Variants in UNC119B observed in about 807,000 individuals in gnomAD.
UNC119B encodes the protein protein unc-119 homolog B.
A neutral mutation model predicts 23.4 loss-of-function variants in UNC119B; 16 were observed. The ratio of observed to expected loss-of-function variants is 0.68; its 90% CI spans 0.46 to 1.04. The LOEUF is 1.04. UNC119B is among the 50% of genes least tolerant of loss of function. UNC119B has a pLI of 0.00. For synonymous variants in UNC119B, 144 were observed against 145.4 expected (o/e 0.99, Z 0.07); for missense variants, 350 against 361.3 (o/e 0.97, Z 0.25).
intron 1 of UNC119B, 136 bp downstream of exon 1, chr12:120,710,854 C>T (rs1025400176): frequency 5.8e-6 from 5 of 869,360 alleles, no homozygotes; most frequent in Admixed American, 4.6e-5. Flanking sequence ...TTCCCGCTGC[C>T]CCGCCGGCCG....
intron 4 of UNC119B, among the ~76,000 whole-genome samples, chr12:120,718,215 T>G (rs1000500753): frequency 1.3e-5 from 2 of 152,140 alleles, no homozygotes; most frequent in African/African-American, 4.8e-5. Flanking sequence ...ATGCCTCCTG[T>G]GGGAAGACAG....
rs897437297 is a variant in UNC119B, at chr12:120,722,065, G to C, written c.*2033G>C. Reference sequence around the variant, plus strand: ...GGATGTGGTTCTGGAGCTGCCCAGAGCTGTGCTTAGTAGAGTGTGTCTTGG... The same window carrying C: ...GGATGTGGTTCTGGAGCTGCCCAGACCTGTGCTTAGTAGAGTGTGTCTTGG... On this transcript the variant is annotated 3_prime_UTR_variant, in exon 5 of 5. Coordinates refer to ENST00000344651, the MANE Select transcript of UNC119B (RefSeq NM_001080533.3). The C allele has an allele frequency of 2.6e-5, 4 of 152,442 alleles. No homozygotes were observed. The highest frequency in any genetic ancestry group is 7.2e-5 in the African/African-American group (3 of 41,590). 9.4% of individuals were successfully genotyped at this position (152,442 alleles called of 1,614,324 possible). A position where few individuals can be genotyped will look rare whatever the true frequency, so the allele number is the denominator to read the frequency against.
chr12:120,712,974 A>G (rs929260909), intron 1 of UNC119B, among the ~76,000 whole-genome samples: 3 of 152,346 alleles, frequency 2.0e-5, no homozygotes, highest in African/African-American at 4.8e-5. Context: ...CTGACATCCA[A>G]CTTGATAGAT....
chr12:120,718,659 G>A (rs1435251919), intron 4 of UNC119B, among the ~76,000 whole-genome samples: 1 of 152,196 alleles, frequency 6.6e-6, no homozygotes, highest in African/African-American at 2.4e-5. Context: ...CTTTGGCCTA[G>A]CCACCTCAGG....
At chr12:120,713,495 C>A (rs1882711788) in intron 2 of UNC119B, 108 bp downstream of exon 2, 1 of 816,994 alleles carries the variant, frequency 1.2e-6, no homozygotes, top group Non-Finnish European at 2.0e-6. Flanking sequence ...CAGTGTGTCC[C>A]ACTTCTGTGA....
At chr12:120,718,129 A>AAGTGCTGGAATT in intron 4 of UNC119B, among the ~76,000 whole-genome samples, 1 of 152,130 alleles carries the variant, frequency 6.6e-6, no homozygotes, top group South Asian at 2.1e-4. Context: ...CGGCCTCCCA[A>AAGTGCTGGAATT]AGTGCTGGAA....
In UNC119B at chr12:120,716,943, T is replaced by G; in HGVS notation, c.544T>G (p.Leu182Val). Residue 182 changes from leucine (L) to valine (V), a missense_variant, in exon 4 of 5, where the codon TTG becomes GTG. Transcript: ENST00000344651. Reference protein sequence around the residue: ...MIERHYFREHLLKNFDFDFGF... With the variant: ...MIERHYFREHVLKNFDFDFGF... ...CGAACGGCACTATTTCCGGGAACAC[T>G]TGCTGAAAAACTTTGACTTTGATTT... 1 of 1,613,974 alleles carries G rather than the reference T, an allele frequency of 6.2e-7. No homozygotes were observed. The highest frequency in any genetic ancestry group is 1.1e-5 in the South Asian group (1 of 91,052).
At chr12:120,719,432 A>G (rs76555581) in intron 4 of UNC119B, among the ~76,000 whole-genome samples, 4,022 of 152,260 alleles carry the variant, frequency 0.026, 90 homozygotes, top group South Asian at 0.065. Flanking sequence ...CCTTGCACTC[A>G]TTCCAATCTA....
At position 120,720,883 on chromosome 12, in the gene UNC119B, A is replaced by C. The variant is rs1882883643; in HGVS notation, c.*851A>C. On this transcript the variant is annotated 3_prime_UTR_variant, in exon 5 of 5. Coordinates refer to ENST00000344651, the MANE Select transcript of UNC119B (RefSeq NM_001080533.3). ...TTTTATTTCCAGACTTCTTTCGGGGAGGTTTTATAAAATGACAGTGGTGTT... is the reference window on the plus strand; with the variant it reads ...TTTTATTTCCAGACTTCTTTCGGGGCGGTTTTATAAAATGACAGTGGTGTT... The C allele has an allele frequency of 6.6e-6, 1 of 152,038 alleles. No homozygotes were observed. Among genetic ancestry groups the C allele is most frequent in the African/African-American group, 2.4e-5 (1 of 41,354 alleles). 9.4% of individuals were successfully genotyped at this position (152,038 alleles called of 1,614,324 possible). A position where few individuals can be genotyped will look rare whatever the true frequency, so the allele number is the denominator to read the frequency against.
rs1882791594 is a variant in UNC119B, at chr12:120,716,897, T to C, written c.498T>C (p.Pro166=). The C allele has an allele frequency of 6.2e-7, 1 of 1,612,420 alleles. No homozygotes were observed. Among genetic ancestry groups the C allele is most frequent in the Non-Finnish European group, 8.5e-7 (1 of 1,178,946 alleles). ...ATVEFTVGDK[P]VSNFRMIERH... The stretch of plus-strand genomic sequence containing the variant: ...TGGAGTTCACAGTGGGAGACAAACC[T>C]GTTTCAAACTTCCGGATGATCGAAC... The change falls in exon 4 of 5, where the codon CCT becomes CCC. Residue 166 remains proline, a synonymous_variant. Coordinates refer to ENST00000344651, the MANE Select transcript of UNC119B (RefSeq NM_001080533.3).
chr12:120,720,175 C>A lies in UNC119B; in HGVS notation c.*143C>A. 1.6e-6 allele frequency: 1 copy of A among 631,600 alleles called. No individual in the cohort carries two copies. 39.1% of individuals were successfully genotyped at this position (631,600 alleles called of 1,614,324 possible). A position where few individuals can be genotyped will look rare whatever the true frequency, so the allele number is the denominator to read the frequency against. On this transcript the variant is annotated 3_prime_UTR_variant, in exon 5 of 5. Transcript: ENST00000344651. ...GGCTGGGGTGGCAGTTTCCTGCGCG[C>A]CAAAGGAGCTGCCAAACAGTGCTGT...
Position 120,722,910 on chromosome 12 carries a change from TCA to T in UNC119B, c.*2879_*2880del, listed in dbSNP as rs1361430830. The T allele has an allele frequency of 1.3e-5, 2 of 152,424 alleles. No homozygotes were observed. Among genetic ancestry groups the T allele is most frequent in the Non-Finnish European group, 2.9e-5 (2 of 68,190 alleles). The allele number at this position is 152,424 out of a possible 1,614,324, so 9.4% of individuals were successfully genotyped here. A position where few individuals can be genotyped will look rare whatever the true frequency, so the allele number is the denominator to read the frequency against. ...CAAGCATGTGCTTCCTGAAGACACC[TCA>T]GTCTTTGGGCCATTTGATTTCCAAT... On this transcript the variant is annotated 3_prime_UTR_variant, in exon 5 of 5. Coordinates refer to ENST00000344651, the MANE Select transcript of UNC119B (RefSeq NM_001080533.3).
In UNC119B at chr12:120,723,036, G is replaced by T. The variant is rs1882945833; in HGVS notation, c.*3004G>T. 1 of 152,462 alleles carries T rather than the reference G, an allele frequency of 6.6e-6. No homozygotes were observed. The highest frequency in any genetic ancestry group is 2.4e-5 in the African/African-American group (1 of 41,454). The allele number at this position is 152,462 out of a possible 1,614,324, so 9.4% of individuals were successfully genotyped here. ...TCTTCAGTTTATTTTTTCAGTTGAA[G>T]TGGAACTCATTTCTGGAATGGATTT... On this transcript the variant is annotated 3_prime_UTR_variant, in exon 5 of 5. Transcript: ENST00000344651.
At chr12:120,716,561 C>T (rs1882783651) in intron 2 of UNC119B, 67 bp from the exon 3 acceptor site, 2 of 1,543,958 alleles carry the variant, frequency 1.3e-6, no homozygotes, top group Non-Finnish European at 1.8e-6. Context: ...GCTGTTGGGA[C>T]TGGTGATAGA....
Position 120,720,041 on chromosome 12 carries a change from A to G in UNC119B, c.*9A>G, listed in dbSNP as rs769596633. ...ATAATGGAGGCCAGTAAGTGCTGCA[A>G]GAGTAGATAGGGGAGGTGCTTTGCC... On this transcript the variant is annotated 3_prime_UTR_variant, in exon 5 of 5. Transcript: ENST00000344651. 1.9e-6 allele frequency: 3 copies of G among 1,596,922 alleles called. No individual in the cohort carries two copies. The highest frequency in any genetic ancestry group is 1.3e-5 in the African/African-American group (1 of 74,664).
At position 120,722,348 on chromosome 12, in the gene UNC119B, C is replaced by G. The variant is rs898550718; in HGVS notation, c.*2316C>G. 6 of 152,400 alleles carry G rather than the reference C, an allele frequency of 3.9e-5. No homozygotes were observed. Among genetic ancestry groups the G allele is most frequent in the Non-Finnish European group, 7.3e-5 (5 of 68,184 alleles). The allele number at this position is 152,400 out of a possible 1,614,324, so 9.4% of individuals were successfully genotyped here. A position where few individuals can be genotyped will look rare whatever the true frequency, so the allele number is the denominator to read the frequency against. Reference sequence around the variant, plus strand: ...GTTCTGTATCTGGGGCTGTGGGTTCCTGTGTCTAGCTGCTCAGGAAATCTT... The same window carrying G: ...GTTCTGTATCTGGGGCTGTGGGTTCGTGTGTCTAGCTGCTCAGGAAATCTT... On this transcript the variant is annotated 3_prime_UTR_variant, in exon 5 of 5. Coordinates refer to ENST00000344651, the MANE Select transcript of UNC119B (RefSeq NM_001080533.3).
rs1882946395 is a variant in UNC119B, at chr12:120,723,065, A to G, written c.*3033A>G. ...AACTCATTTCTGGAATGGATTTAAT[A>G]GGCTGTGTCTAATGTACAAACTGGG... On this transcript the variant is annotated 3_prime_UTR_variant, in exon 5 of 5. Coordinates refer to ENST00000344651, the MANE Select transcript of UNC119B (RefSeq NM_001080533.3). 6.5e-6 allele frequency: 1 copy of G among 152,776 alleles called. No individual in the cohort carries two copies. Among genetic ancestry groups the G allele is most frequent in the East Asian group, 1.9e-4 (1 of 5,204 alleles). 9.5% of individuals were successfully genotyped at this position (152,776 alleles called of 1,614,324 possible). A position where few individuals can be genotyped will look rare whatever the true frequency, so the allele number is the denominator to read the frequency against.
At chr12:120,716,480 A>G (rs1355148282) in intron 2 of UNC119B, 148 bp from the exon 3 acceptor site, 6 of 813,752 alleles carry the variant, frequency 7.4e-6, no homozygotes, top group East Asian at 4.9e-5. Flanking sequence ...GTGTCCTGCT[A>G]TATAGCAAGT....
At chr12:120,711,466 TAGG>T (rs1288563978) in intron 1 of UNC119B, 6 of 152,226 alleles carry the variant, frequency 3.9e-5, no homozygotes, top group African/African-American at 4.8e-5. Context: ...TTTTCGTTGA[TAGG>T]AGGATGGGTG....
Sources: gnomAD v4.1 joint callset for allele counts (sites outside exome capture counted in the v4.1 genomes callset) on GRCh38, gnomAD v4.1.1 for gene constraint, MANE v1.5 for transcripts, NCBI Gene and HGNC (gene_info 2026-07-23, HGNC 2026-07-21) for gene names.